Variants in PRKN observed in about 807,000 individuals in gnomAD.
PRKN encodes the protein parkin RBR E3 ubiquitin protein ligase.
PRKN carries 56 observed loss-of-function variants against 59.5 expected under a neutral mutation model. The ratio of observed to expected loss-of-function variants is 0.94; its 90% CI spans 0.76 to 1.18. The LOEUF (loss-of-function observed/expected upper bound fraction) is 1.18, where lower values mean the gene tolerates loss of function less well. Among genes scored for constraint, PRKN ranks in the 50% most tolerant of loss-of-function variants. PRKN has a pLI of 0.00. For synonymous variants in PRKN, 250 were observed against 222.1 expected (o/e 1.13, Z -1.12); for missense variants, 657 against 596.4 (o/e 1.10, Z -1.06).
chr6:162,457,043 C>A (rs990703816), intron 1 of PRKN, among the ~76,000 whole-genome samples: 5 of 152,152 alleles, frequency 3.3e-5, no homozygotes, highest in African/African-American at 1.2e-4. Flanking sequence ...AACAAGAAAG[C>A]AGAACACTCA....
At chr6:161,749,462 G>C (rs924196787) in intron 7 of PRKN, among the ~76,000 whole-genome samples, 3 of 152,160 alleles carry the variant, frequency 2.0e-5, no homozygotes, top group Non-Finnish European at 4.4e-5. Context: ...GTAATTTGCA[G>C]GATCAATTTC....
intron 1 of PRKN, among the ~76,000 whole-genome samples, chr6:162,687,220 C>G (rs1439320369): frequency 6.9e-6 from 1 of 144,128 alleles, no homozygotes; most frequent in African/African-American, 2.6e-5. Flanking sequence ...GAGTTTCACT[C>G]TGTCGTCCAG....
chr6:162,340,180 A>G lies in PRKN; in HGVS notation c.172-77415T>C, dbSNP rs75520765. On this transcript the variant is annotated intron_variant, in intron 2 of 11. Transcript: ENST00000366898. ...AAAAAAGTAGTCTCTGATTTTTGCA[A>G]TTTTATTTCGTGAGAACCAAGAAAA... Among the ~76,000 whole-genome samples the G allele has an allele frequency of 3.1e-3, 465 of 151,790 alleles. 8 individuals carry two copies. The highest frequency in any genetic ancestry group is 0.027 in the Middle Eastern group (8 of 292).
chr6:162,314,262 A>G (rs1782654628), intron 2 of PRKN, among the ~76,000 whole-genome samples: 1 of 152,142 alleles, frequency 6.6e-6, no homozygotes, highest in African/African-American at 2.4e-5. Context: ...AGTGATAGAA[A>G]TAGGATTCTA....
intron 1 of PRKN, among the ~76,000 whole-genome samples, chr6:162,527,393 C>T (rs1232245224): frequency 1.3e-5 from 2 of 152,008 alleles, no homozygotes; most frequent in Admixed American, 6.6e-5. Context: ...TAAGTACATT[C>T]GAGGATTTTT....
At chr6:161,801,186 C>T (rs1791062265) in intron 6 of PRKN, among the ~76,000 whole-genome samples, 1 of 152,212 alleles carries the variant, frequency 6.6e-6, no homozygotes, top group Non-Finnish European at 1.5e-5. Flanking sequence ...TAAGTTCCAC[C>T]CACATTCCTC....
At position 161,457,971 on chromosome 6, in the gene PRKN, A is replaced by C. The variant is rs1790046384; in HGVS notation, c.1084-71094T>G. Among the ~76,000 whole-genome samples, 1 of 152,236 alleles carries C rather than the reference A, an allele frequency of 6.6e-6. No individual in the cohort carries two copies. The highest frequency in any genetic ancestry group is 2.1e-4 in the South Asian group (1 of 4,828). On this transcript the variant is annotated intron_variant, in intron 9 of 11. Transcript: ENST00000366898. The surrounding 1 kb of genome is among the most constrained non-coding windows in gnomAD (Gnocchi z 5.0). ...AGGGTTGTGGGCTTTTATGGGACAC[A>C]AGCTGAACTGTCATGCAGACAATGA...
intron 6 of PRKN, among the ~76,000 whole-genome samples, chr6:161,836,616 T>C (rs758763691): frequency 8.5e-4 from 129 of 152,320 alleles, no homozygotes; most frequent in Non-Finnish European, 1.4e-3. Flanking sequence ...ACGATCATAA[T>C]TATCATATGC....
At position 162,713,760 on chromosome 6, in the gene PRKN, G is replaced by T. The variant is rs924544960; in HGVS notation, c.7+13902C>A. 2.6e-5 allele frequency among the ~76,000 whole-genome samples: 4 copies of T among 151,904 alleles called. 1 individual carries two copies. In the South Asian group the frequency reaches 8.3e-4, roughly 32 times the overall value. On this transcript the variant is annotated intron_variant, in intron 1 of 11. Coordinates refer to ENST00000366898, the MANE Select transcript of PRKN (RefSeq NM_004562.3). ...ACTGTTTTGTAAAAGCAAAAAAAAA[G>T]AACTTAAAAGACAGGATGAAATAAC... is the stretch of plus-strand genomic sequence containing the variant.
intron 1 of PRKN, among the ~76,000 whole-genome samples, chr6:162,654,394 G>A (rs1316819838): frequency 6.6e-6 from 1 of 152,196 alleles, no homozygotes; most frequent in Admixed American, 6.5e-5. Context: ...TCACACAGCT[G>A]TTAAGTAACA....
intron 2 of PRKN, among the ~76,000 whole-genome samples, chr6:162,442,875 A>C (rs1199134616): frequency 1.3e-5 from 2 of 152,148 alleles, no homozygotes; most frequent in African/African-American, 2.4e-5. Context: ...AGCAGCCCTC[A>C]CTAACCTCCA....
At chr6:161,727,402 C>A (rs975793226) in intron 7 of PRKN, among the ~76,000 whole-genome samples, 4 of 152,146 alleles carry the variant, frequency 2.6e-5, no homozygotes, top group Non-Finnish European at 5.9e-5. Context: ...GTGATGGATC[C>A]TTCCCATAAA....
At chr6:161,570,146 A>AAAAAAAT (rs869285771) in intron 7 of PRKN, among the ~76,000 whole-genome samples, 1 of 76,612 alleles carries the variant, frequency 1.3e-5, no homozygotes, top group African/African-American at 6.8e-5. Context: ...AAAAAAAAAA[A>AAAAAAAT]ATATATATAT....
chr6:161,443,368 A>G lies in PRKN; in HGVS notation c.1084-56491T>C, dbSNP rs117579810. ...CCTCCAACACGCGTGGTCTTATACT[A>G]TGTCACTGTGACTTACCACATGCCC... On this transcript the variant is annotated intron_variant, in intron 9 of 11. Coordinates refer to ENST00000366898, the MANE Select transcript of PRKN (RefSeq NM_004562.3). 9.9e-5 allele frequency among the ~76,000 whole-genome samples: 15 copies of G among 151,880 alleles called. No individual in the cohort carries two copies. In the East Asian group the frequency reaches 1.6e-3, roughly 16 times the overall value.
chr6:162,635,328 G>C (rs1380836718), intron 1 of PRKN, among the ~76,000 whole-genome samples: 3 of 152,100 alleles, frequency 2.0e-5, no homozygotes, highest in Admixed American at 6.5e-5. Flanking sequence ...TTCTCATTCT[G>C]GGTATTTTAC....
chr6:162,223,588 T>C (rs1234261560), intron 3 of PRKN, among the ~76,000 whole-genome samples: 2 of 151,646 alleles, frequency 1.3e-5, no homozygotes, highest in Non-Finnish European at 2.9e-5. Flanking sequence ...TATGTGTATA[T>C]TGGCTTATTC....
At chr6:162,263,686 GC>G (rs1282457203) in intron 2 of PRKN, among the ~76,000 whole-genome samples, 1 of 152,176 alleles carries the variant, frequency 6.6e-6, no homozygotes, top group African/African-American at 2.4e-5. Flanking sequence ...GGCCGCGGTG[GC>G]TCAGGCCTCT....
intron 7 of PRKN, among the ~76,000 whole-genome samples, chr6:161,702,107 G>A (rs1228947402): frequency 1.3e-5 from 2 of 152,090 alleles, no homozygotes; most frequent in African/African-American, 4.8e-5. Flanking sequence ...TGTATTTCAT[G>A]TTTTCAGTTA....
At chr6:162,131,599 T>C (rs1035257275) in intron 4 of PRKN, among the ~76,000 whole-genome samples, 13 of 152,220 alleles carry the variant, frequency 8.5e-5, no homozygotes, top group Admixed American at 5.2e-4. Flanking sequence ...TCTGTGTCTT[T>C]AGATTCTGCA....
Sources: allele counts gnomAD v4.1 joint callset (sites outside exome capture counted in the v4.1 genomes callset), GRCh38; gene constraint gnomAD v4.1.1; non-coding constraint Gnocchi (gnomAD v3.1); transcripts MANE v1.5; gene names NCBI Gene and HGNC (gene_info 2026-07-23, HGNC 2026-07-21).